The following FMN2 variants were observed in gnomAD, a reference collection of about 807,000 sequenced individuals.
FMN2 encodes formin-2.
In FMN2, 51 loss-of-function variants were observed where a neutral mutation model predicts 142.3. That is an observed-to-expected ratio of 0.36 (90% CI 0.29 to 0.45). The LOEUF (loss-of-function observed/expected upper bound fraction) is 0.45. Ranked by LOEUF, FMN2 falls within the 20% of genes least tolerant of loss-of-function variation. The pLI is 1.00. For missense variants in FMN2, 1,936 were observed against 2,122.8 expected (o/e 0.91, Z 1.73); for synonymous variants, 882 against 869.8 (o/e 1.01, Z -0.25).
At chr1:240,161,059 T>A (rs1664254680) in intron 2 of FMN2, among the ~76,000 whole-genome samples, 1 of 152,184 alleles carries the variant, frequency 6.6e-6, no homozygotes, top group East Asian at 1.9e-4. Context: ...TAAACTTCAT[T>A]GAGAAAAATC....
chr1:240,474,649 A>C lies in FMN2; in HGVS notation c.*495A>C, dbSNP rs764294272. On this transcript the variant is annotated 3_prime_UTR_variant, in exon 18 of 18. Coordinates refer to ENST00000319653, the MANE Select transcript of FMN2 (RefSeq NM_020066.5). The stretch of plus-strand genomic sequence containing the variant: ...CTATTTTAAAATTTAAGAACCGTTT[A>C]TAATCAGTGCTTTCCCAACTCTTGG... 1 of 152,706 alleles carries C rather than the reference A, an allele frequency of 6.5e-6. No homozygotes were observed. Among genetic ancestry groups the C allele is most frequent in the African/African-American group, 2.4e-5 (1 of 41,446 alleles). 9.5% of individuals were successfully genotyped at this position (152,706 alleles called of 1,614,324 possible).
intron 2 of FMN2, among the ~76,000 whole-genome samples, chr1:240,133,565 C>T (rs1662824709): frequency 6.6e-6 from 1 of 152,156 alleles, no homozygotes; most frequent in African/African-American, 2.4e-5. Context: ...CCACTTCTAC[C>T]TCTCCTGACC....
chr1:240,338,307 A>C (rs1671629631), intron 13 of FMN2, among the ~76,000 whole-genome samples: 1 of 152,162 alleles, frequency 6.6e-6, no homozygotes, highest in Non-Finnish European at 1.5e-5. Flanking sequence ...TTTAGGGTTT[A>C]TTTTGGCTTA....
chr1:240,152,644 A>G (rs1436183759), intron 2 of FMN2, among the ~76,000 whole-genome samples: 1 of 152,194 alleles, frequency 6.6e-6, no homozygotes, highest in East Asian at 1.9e-4. Context: ...GGGATGAGCT[A>G]GGACTAAGCA....
intron 14 of FMN2, among the ~76,000 whole-genome samples, chr1:240,378,089 G>A (rs529805618): frequency 4.9e-4 from 75 of 151,652 alleles, no homozygotes; most frequent in Admixed American, 2.5e-3. Flanking sequence ...TTATTATGAT[G>A]TGCATTGGTA....
chr1:240,269,268 A>G (rs1216634334), intron 7 of FMN2, among the ~76,000 whole-genome samples: 3 of 152,010 alleles, frequency 2.0e-5, no homozygotes, highest in African/African-American at 7.2e-5. Flanking sequence ...ATATAGATGT[A>G]CAGTTTTAAT....
intron 7 of FMN2, among the ~76,000 whole-genome samples, chr1:240,261,576 A>G (rs1397968657): frequency 2.0e-5 from 3 of 152,158 alleles, no homozygotes; most frequent in African/African-American, 4.8e-5. Context: ...TTTGGATTCT[A>G]GGTATCAAAG....
At position 240,241,693 on chromosome 1, in the gene FMN2, T is replaced by C. The variant is rs142859352; in HGVS notation, c.4066-16252T>C. ...CAACTTGACTGTATTTAGAAAAGGCTATGGCGCTACTCCTCTTGTTTAACA... is the reference window on the plus strand; with the variant it reads ...CAACTTGACTGTATTTAGAAAAGGCCATGGCGCTACTCCTCTTGTTTAACA... On this transcript the variant is annotated intron_variant, in intron 6 of 17. Coordinates refer to ENST00000319653, the MANE Select transcript of FMN2 (RefSeq NM_020066.5). Among the ~76,000 whole-genome samples the C allele has an allele frequency of 8.1e-3, 1,239 of 152,168 alleles. 10 individuals are homozygous for C. The highest frequency in any genetic ancestry group is 0.014 in the Non-Finnish European group (975 of 68,018).
At chr1:240,109,259 G>A (rs1247203047) in intron 1 of FMN2, among the ~76,000 whole-genome samples, 4 of 152,310 alleles carry the variant, frequency 2.6e-5, no homozygotes, top group Admixed American at 2.0e-4. Context: ...AGTGGAATTA[G>A]TGGTTTGAAC....
chr1:240,390,563 A>G (rs1673572444), intron 14 of FMN2, among the ~76,000 whole-genome samples: 1 of 152,232 alleles, frequency 6.6e-6, no homozygotes, highest in Admixed American at 6.5e-5. Context: ...TAACATTGGA[A>G]TATAATTATT....
At chr1:240,303,986 A>G (rs906489929) in intron 8 of FMN2, among the ~76,000 whole-genome samples, 1 of 151,842 alleles carries the variant, frequency 6.6e-6, no homozygotes, top group African/African-American at 2.4e-5. Flanking sequence ...TGTATTTTTC[A>G]GTTCTTTTCA....
chr1:240,293,060 T>A (rs1342672346), intron 7 of FMN2, among the ~76,000 whole-genome samples: 1 of 152,112 alleles, frequency 6.6e-6, no homozygotes, highest in East Asian at 1.9e-4. Flanking sequence ...TAGGAGCACA[T>A]AACATGTATT....
At chr1:240,193,943 T>C (rs1246964612) in intron 4 of FMN2, among the ~76,000 whole-genome samples, 4 of 152,244 alleles carry the variant, frequency 2.6e-5, no homozygotes, top group African/African-American at 7.2e-5. Flanking sequence ...GGTTTTCCCT[T>C]GCCATCCTCA....
intron 7 of FMN2, among the ~76,000 whole-genome samples, chr1:240,276,407 G>T (rs1023661704): frequency 1.3e-5 from 2 of 152,190 alleles, no homozygotes; most frequent in African/African-American, 4.8e-5. Flanking sequence ...TAAGGGAAGA[G>T]TGTGAGGGAC....
chr1:240,093,180 G>A lies in FMN2; in HGVS notation c.1071G>A (p.Ala357=). Residue 357 remains alanine (A), a synonymous_variant, in exon 1 of 18, where the codon GCG becomes GCA. Transcript: ENST00000319653. ...EEGEEDAFED[A]PRGSPGEEWA... ...GTGAGGAGGATGCTTTTGAGGATGC[G>A]CCCCGGGGCTCTCCGGGGGAGGAGT... 1 of 1,453,886 alleles carries A rather than the reference G, an allele frequency of 6.9e-7. No individual in the cohort carries two copies. 90.1% of individuals were successfully genotyped at this position (1,453,886 alleles called of 1,614,324 possible).
At chr1:240,393,938 C>G (rs114940140) in intron 15 of FMN2, among the ~76,000 whole-genome samples, 4,373 of 152,218 alleles carry the variant, frequency 0.029, 92 homozygotes, top group Non-Finnish European at 0.048. Flanking sequence ...GGGAAGAAGG[C>G]TTTAATTGGG....
At chr1:240,439,315 G>A (rs555383784) in intron 16 of FMN2, among the ~76,000 whole-genome samples, 3 of 148,824 alleles carry the variant, frequency 2.0e-5, no homozygotes, top group African/African-American at 7.4e-5. Flanking sequence ...GTTACATCCT[G>A]AGAAACTTTG....
rs1661057363 is a variant in FMN2, at chr1:240,093,072, G to C, written c.963G>C (p.Thr321=). 7.2e-7 allele frequency: 1 copy of C among 1,396,228 alleles called. No homozygotes were observed. The highest frequency in any genetic ancestry group is 9.2e-7 in the Non-Finnish European group (1 of 1,085,044). The allele number at this position is 1,396,228 out of a possible 1,614,324, so 86.5% of individuals were successfully genotyped here. The change falls in exon 1 of 18, where the codon ACG becomes ACC. Residue 321 remains threonine, a synonymous_variant. Coordinates refer to ENST00000319653, the MANE Select transcript of FMN2 (RefSeq NM_020066.5). ...QPAAKDSPSS[T]AFPFPEAGPG... is the part of the protein sequence containing the mutation. ...CGGCCAAAGACTCGCCCTCCTCCAC[G>C]GCTTTCCCATTTCCCGAGGCCGGGC...
intron 4 of FMN2, among the ~76,000 whole-genome samples, chr1:240,196,850 G>A (rs543924488): frequency 3.1e-4 from 47 of 152,270 alleles, no homozygotes; most frequent in African/African-American, 1.1e-3. Flanking sequence ...TTAGAGAAAT[G>A]ATCGAAAGAT....
Sources: gnomAD v4.1 joint callset for allele counts (sites outside exome capture counted in the v4.1 genomes callset) on GRCh38, gnomAD v4.1.1 for gene constraint, MANE v1.5 for transcripts, NCBI Gene and HGNC (gene_info 2026-07-23, HGNC 2026-07-21) for gene names.